PPP2R3A: variants seen among roughly 807,000 people sequenced by gnomAD.
The protein encoded by PPP2R3A is serine/threonine-protein phosphatase 2A regulatory subunit B'' subunit alpha.
Under a neutral mutation model 106.9 loss-of-function variants are expected in PPP2R3A, and 80 were observed. The ratio of observed to expected loss-of-function variants is 0.75; its 90% confidence interval spans 0.62 to 0.90. The LOEUF is 0.90. Among genes scored for constraint, PPP2R3A ranks in the 40% least tolerant of loss-of-function variants. The pLI is 0.00. For missense variants in PPP2R3A, 1,386 were observed against 1,350.4 expected (o/e 1.03, Z -0.41); for synonymous variants, 483 against 468.3 (o/e 1.03, Z -0.41).
intron 2 of PPP2R3A, among the ~76,000 whole-genome samples, chr3:136,006,532 A>C (rs1204707382): frequency 1.3e-5 from 2 of 152,324 alleles, no homozygotes; most frequent in Non-Finnish European, 2.9e-5. Flanking sequence ...CAACAAACAA[A>C]CAACCCAGTG....
chr3:136,092,338 AT>A (rs1391351376), intron 10 of PPP2R3A, among the ~76,000 whole-genome samples: 2 of 152,140 alleles, frequency 1.3e-5, no homozygotes, highest in African/African-American at 2.4e-5. Context: ...CACCAAAAAA[AT>A]ATATATATTA....
intron 2 of PPP2R3A, 75 bp from the exon 3 acceptor site, chr3:136,026,757 T>C (rs1174539053): frequency 4.3e-6 from 6 of 1,383,274 alleles, no homozygotes; most frequent in African/African-American, 2.9e-5. Flanking sequence ...TGGTTTCTTA[T>C]ATTGCTGGTG....
At chr3:135,995,223 A>G (rs1010991173) in intron 1 of PPP2R3A, among the ~76,000 whole-genome samples, 13 of 152,324 alleles carry the variant, frequency 8.5e-5, no homozygotes, top group Middle Eastern at 3.4e-3. Context: ...ATACACATTC[A>G]GAACAATTAT....
At chr3:135,991,164 T>G (rs1046569791) in intron 1 of PPP2R3A, among the ~76,000 whole-genome samples, 2 of 152,164 alleles carry the variant, frequency 1.3e-5, no homozygotes, top group African/African-American at 4.8e-5. Flanking sequence ...TCCTGCCCGC[T>G]CAGACTGTGA....
chr3:136,136,923 G>A (rs1453708586), intron 13 of PPP2R3A, among the ~76,000 whole-genome samples: 4 of 152,154 alleles, frequency 2.6e-5, no homozygotes, highest in East Asian at 1.9e-4. Context: ...CAAAGCTTCC[G>A]TAAGTATGAG....
At position 136,001,052 on chromosome 3, in the gene PPP2R3A, A is replaced by T; in HGVS notation, c.-440-7A>T. On this transcript the variant is annotated splice_region_variant and splice_polypyrimidine_tract_variant and intron_variant, in intron 1 of 13. Transcript: ENST00000264977. Reference sequence around the variant, plus strand: ...AAATTTCCTTTTAATTTTTTTTTTTATTACAGGTTTCTCTGTCATTCACAG... The same window carrying T: ...AAATTTCCTTTTAATTTTTTTTTTTTTTACAGGTTTCTCTGTCATTCACAG... The T allele has an allele frequency of 2.6e-6, 1 of 391,298 alleles. No individual in the cohort carries two copies. The highest frequency in any genetic ancestry group is 4.5e-6 in the Non-Finnish European group (1 of 222,328). 24.2% of individuals were successfully genotyped at this position (391,298 alleles called of 1,614,324 possible).
intron 13 of PPP2R3A, among the ~76,000 whole-genome samples, chr3:136,142,176 T>TC (rs1938901452): frequency 6.6e-6 from 1 of 152,148 alleles, no homozygotes; most frequent in South Asian, 2.1e-4. Flanking sequence ...AGCTTATTAG[T>TC]CCAGAACCTG....
In PPP2R3A at chr3:136,141,234, T is replaced by TAAC. The variant is rs200130291; in HGVS notation, c.3330-3807_3330-3805dup. Among the ~76,000 whole-genome samples the TAAC allele has an allele frequency of 3.5e-3, 533 of 152,296 alleles. 5 individuals are homozygous for TAAC. The East Asian group carries it at 0.047, about 13-fold the overall frequency. ...AGGGAAGAATTTTCTGAGTAGTTGA[T>TAAC]AACACCTAAAAGGTTGAAAAGAAAA... is the stretch of plus-strand genomic sequence containing the variant. On this transcript the variant is annotated intron_variant, in intron 13 of 13. Transcript: ENST00000264977.
intron 1 of PPP2R3A, among the ~76,000 whole-genome samples, chr3:135,967,603 A>G (rs1052412547): frequency 6.6e-6 from 1 of 152,184 alleles, no homozygotes; most frequent in African/African-American, 2.4e-5. Context: ...CTTTGCTTTT[A>G]AACTCTTCAG....
intron 6 of PPP2R3A, among the ~76,000 whole-genome samples, chr3:136,074,958 G>A (rs1936550384): frequency 6.6e-6 from 1 of 152,212 alleles, no homozygotes; most frequent in Admixed American, 6.5e-5. Flanking sequence ...ACCAAAGAGT[G>A]AATTAGAAAT....
intron 2 of PPP2R3A, chr3:136,023,268 A>G: frequency 1.5e-6 from 2 of 1,338,796 alleles, no homozygotes; most frequent in African/African-American, 1.5e-5. Context: ...TATTACTAAT[A>G]AAACCATCCA....
chr3:136,143,804 C>A (rs1384597089), intron 13 of PPP2R3A, among the ~76,000 whole-genome samples: 1 of 151,472 alleles, frequency 6.6e-6, no homozygotes, highest in Non-Finnish European at 1.5e-5. Context: ...AGAAAAAACA[C>A]ACACAATGTT....
intron 1 of PPP2R3A, among the ~76,000 whole-genome samples, chr3:135,975,083 A>G (rs532430781): frequency 2.0e-5 from 3 of 152,310 alleles, no homozygotes; most frequent in Non-Finnish European, 2.9e-5. Context: ...TCTTCTCTCA[A>G]CATGATACAT....
chr3:136,021,737 T>C (rs982224976), intron 2 of PPP2R3A, among the ~76,000 whole-genome samples: 18 of 152,194 alleles, frequency 1.2e-4, no homozygotes, highest in African/African-American at 4.1e-4. Context: ...TGTATCAATG[T>C]GTTCTACATC....
At chr3:135,986,769 T>C (rs1460147159) in intron 1 of PPP2R3A, among the ~76,000 whole-genome samples, 1 of 152,180 alleles carries the variant, frequency 6.6e-6, no homozygotes, top group Non-Finnish European at 1.5e-5. Context: ...CTTTCTGTTG[T>C]GTCATCAGCT....
At position 136,015,832 on chromosome 3, in the gene PPP2R3A, C is replaced by A. The variant is rs141926990; in HGVS notation, c.1996-11000C>A. 3.5e-3 allele frequency among the ~76,000 whole-genome samples: 524 copies of A among 151,868 alleles called. 4 individuals are homozygous for A. Among genetic ancestry groups the A allele is most frequent in the African/African-American group, 0.012 (486 of 41,432 alleles). On this transcript the variant is annotated intron_variant, in intron 2 of 13. Coordinates refer to ENST00000264977, the MANE Select transcript of PPP2R3A (RefSeq NM_002718.5). ...GAATTTCATTTAGTTCTGCTCTGAT[C>A]TTTGTTATTTCTTTTCTTTTGCTAG...
Position 136,124,452 on chromosome 3 carries a change from C to A in PPP2R3A, c.3329+18130C>A, listed in dbSNP as rs144106748. On this transcript the variant is annotated intron_variant, in intron 13 of 13. Coordinates refer to ENST00000264977, the MANE Select transcript of PPP2R3A (RefSeq NM_002718.5). The stretch of plus-strand genomic sequence containing the variant: ...GAGCTACGATCCACACCACTGCACT[C>A]CAGCCCAAGTGACAAACTGAGACCT... Among the ~76,000 whole-genome samples the A allele has an allele frequency of 1.3e-3, 200 of 152,206 alleles. 1 individual carries two copies. The highest frequency in any genetic ancestry group is 4.5e-3 in the African/African-American group (185 of 41,508).
At chr3:136,090,412 C>A (rs779431507) in intron 9 of PPP2R3A, among the ~76,000 whole-genome samples, 166 bp from the exon 10 acceptor site, 1 of 152,144 alleles carries the variant, frequency 6.6e-6, no homozygotes, top group Non-Finnish European at 1.5e-5. Flanking sequence ...ACCCTCTAGA[C>A]CTTTGAAAAT....
chr3:136,033,212 C>T (rs1934967413), intron 3 of PPP2R3A, among the ~76,000 whole-genome samples: 1 of 152,212 alleles, frequency 6.6e-6, no homozygotes, highest in African/African-American at 2.4e-5. Context: ...ATCCCTGCAT[C>T]CCTGATATGA....
Sources: allele counts gnomAD v4.1 joint callset (sites outside exome capture counted in the v4.1 genomes callset), GRCh38; gene constraint gnomAD v4.1.1; transcripts MANE v1.5; gene names NCBI Gene and HGNC (gene_info 2026-07-23, HGNC 2026-07-21).